The following PTPRC variants were observed in gnomAD, a reference collection of about 807,000 sequenced individuals.
PTPRC encodes protein tyrosine phosphatase receptor type C.
In PTPRC, 44 loss-of-function variants were observed where a neutral mutation model predicts 155.9. The observed-to-expected ratio is 0.28, with a 90% CI of 0.22 to 0.36. The LOEUF is 0.36. Among genes scored for constraint, PTPRC ranks in the 10% least tolerant of loss-of-function variants. PTPRC has a pLI of 1.00. For missense variants in PTPRC, 1,401 were observed against 1,564.6 expected, an observed-to-expected ratio of 0.90 and a Z score of 1.76; for synonymous variants, 525 against 533.1, an observed-to-expected ratio of 0.98 and a Z score of 0.21.
chr1:198,728,616 T>G (rs1219725766), intron 16 of PTPRC, among the ~76,000 whole-genome samples, 168 bp downstream of exon 16: 14 of 152,178 alleles, frequency 9.2e-5, no homozygotes, highest in Admixed American at 9.2e-4. Context: ...TTAGTATGGT[T>G]TTATTGGTTT....
At chr1:198,656,646 G>GTTTTTTTTT (rs1017437706) in intron 2 of PTPRC, among the ~76,000 whole-genome samples, 1 of 86,514 alleles carries the variant, frequency 1.2e-5, no homozygotes, top group African/African-American at 5.1e-5. Flanking sequence ...CTAGTTTTTT[G>GTTTTTTTTT]TTTTTTGTTT....
intron 2 of PTPRC, among the ~76,000 whole-genome samples, chr1:198,640,174 C>T (rs1387942972): frequency 6.6e-6 from 1 of 151,670 alleles, no homozygotes; most frequent in Non-Finnish European, 1.5e-5. Context: ...TCTTGAGCGG[C>T]GTCAATATGA....
At chr1:198,667,263 A>G (rs1664371324) in intron 2 of PTPRC, among the ~76,000 whole-genome samples, 1 of 152,208 alleles carries the variant, frequency 6.6e-6, no homozygotes, top group Non-Finnish European at 1.5e-5. Flanking sequence ...AGAGGTGGGA[A>G]GGAGTCCCTG....
chr1:198,750,682 T>A (rs1230450265), intron 29 of PTPRC, 56 bp downstream of exon 29: 1 of 1,586,410 alleles, frequency 6.3e-7, no homozygotes, highest in African/African-American at 1.3e-5. Context: ...CGTCATTCTC[T>A]AGTCTTGGAT....
Position 198,718,276 on chromosome 1 carries a change from C to A in PTPRC, c.1633C>A (p.Gln545Lys). 1 of 1,613,308 alleles carries A rather than the reference C, an allele frequency of 6.2e-7. No homozygotes were observed. The highest frequency in any genetic ancestry group is 8.5e-7 in the Non-Finnish European group (1 of 1,179,426). ...KNCDFRVKDL[Q>K]YSTDYTFKAY... Reference sequence around the variant, plus strand: ...TTGCGATTTCCGTGTAAAAGATCTTCAATATTCAACAGACTACACTTTTAA... The same window carrying A: ...TTGCGATTTCCGTGTAAAAGATCTTAAATATTCAACAGACTACACTTTTAA... Residue 545 changes from glutamine to lysine, a missense_variant, in exon 14 of 33, where the codon CAA (glutamine) becomes AAA (lysine). Around this residue, in one of 3 missense-constraint regions of PTPRC, gnomAD observed 867 missense variants for 970.4 expected, o/e 0.89. Coordinates refer to ENST00000442510, the MANE Select transcript of PTPRC (RefSeq NM_002838.5).
intron 20 of PTPRC, among the ~76,000 whole-genome samples, chr1:198,733,198 C>T (rs1654476388): frequency 6.6e-6 from 1 of 151,662 alleles, no homozygotes; most frequent in Non-Finnish European, 1.5e-5. Context: ...TATATACAGA[C>T]TGAAAAAATT....
rs543237910 is a variant in PTPRC, at chr1:198,724,475, C to A, written c.1720+1999C>A. ...GTATCACACATAGTTATTTTTTTTTCTGTCTGAGTTCACTGATATATGTTC... is the reference window on the plus strand; with the variant it reads ...GTATCACACATAGTTATTTTTTTTTATGTCTGAGTTCACTGATATATGTTC... On this transcript the variant is annotated intron_variant, in intron 15 of 32. Coordinates refer to ENST00000442510, the MANE Select transcript of PTPRC (RefSeq NM_002838.5). Among the ~76,000 whole-genome samples, 5 of 151,622 alleles carry A rather than the reference C, an allele frequency of 3.3e-5. No individual in the cohort carries two copies. In the South Asian group the frequency reaches 1.0e-3, roughly 32 times the overall value.
intron 2 of PTPRC, among the ~76,000 whole-genome samples, chr1:198,641,998 A>G (rs938839351): frequency 6.6e-6 from 1 of 151,998 alleles, no homozygotes; most frequent in Non-Finnish European, 1.5e-5. Flanking sequence ...TAATTTAGAG[A>G]TTTGGGAATG....
intron 11 of PTPRC, among the ~76,000 whole-genome samples, chr1:198,711,727 A>G (rs963653219): frequency 6.6e-6 from 1 of 152,370 alleles, no homozygotes; most frequent in South Asian, 2.1e-4. Flanking sequence ...TTTCAACAAC[A>G]GAAGTTTTTC....
intron 2 of PTPRC, among the ~76,000 whole-genome samples, chr1:198,680,322 G>T (rs766694950): frequency 6.6e-6 from 1 of 151,984 alleles, no homozygotes; most frequent in Non-Finnish European, 1.5e-5. Context: ...GTGTAGTGGC[G>T]CATGTTTGTA....
chr1:198,726,101 G>A (rs2102467622), intron 15 of PTPRC, among the ~76,000 whole-genome samples: 1 of 152,268 alleles, frequency 6.6e-6, no homozygotes, highest in South Asian at 2.1e-4. Context: ...TAATATTTTT[G>A]TAGAACTTAA....
Position 198,726,250 on chromosome 1 carries a change from T to C in PTPRC, c.1721-2090T>C, listed in dbSNP as rs1019747112. On this transcript the variant is annotated intron_variant, in intron 15 of 32. Transcript: ENST00000442510. ...AAAATCTGGAAACAATCATGCTGAT[T>C]GATATATGTATACTAGTAATCACTG... 1.5e-4 allele frequency among the ~76,000 whole-genome samples: 23 copies of C among 152,198 alleles called. 1 individual carries two copies. The highest frequency in any genetic ancestry group is 1.2e-4 in the Non-Finnish European group (8 of 68,016).
intron 15 of PTPRC, among the ~76,000 whole-genome samples, chr1:198,728,024 G>T (rs1299360750): frequency 6.6e-6 from 1 of 152,046 alleles, no homozygotes; most frequent in African/African-American, 2.4e-5. Context: ...CCTTCAAAAT[G>T]AAGTGTCTGA....
intron 2 of PTPRC, among the ~76,000 whole-genome samples, chr1:198,653,905 C>T (rs951203516): frequency 6.6e-6 from 1 of 151,790 alleles, no homozygotes; most frequent in East Asian, 1.9e-4. Flanking sequence ...AGAGGTAACG[C>T]TTCTTAATGT....
At chr1:198,700,947 G>A (rs1666428942) in intron 5 of PTPRC, among the ~76,000 whole-genome samples, 1 of 152,192 alleles carries the variant, frequency 6.6e-6, no homozygotes, top group South Asian at 2.1e-4. Context: ...GGGTCTGCTA[G>A]AGAGGGGAGA....
chr1:198,715,615 A>AT (rs1313414539), intron 12 of PTPRC, among the ~76,000 whole-genome samples: 1 of 151,690 alleles, frequency 6.6e-6, no homozygotes, highest in African/African-American at 2.4e-5. Context: ...GCTGGAAATT[A>AT]TTTTGTGTAA....
intron 23 of PTPRC, among the ~76,000 whole-genome samples, chr1:198,736,155 C>T (rs528963072): frequency 7.9e-5 from 12 of 151,502 alleles, no homozygotes; most frequent in Admixed American, 6.6e-4. Context: ...GGGCATCCAT[C>T]ATCCCAAGCA....
At chr1:198,663,993 CT>C (rs995656071) in intron 2 of PTPRC, among the ~76,000 whole-genome samples, 1 of 151,570 alleles carries the variant, frequency 6.6e-6, no homozygotes, top group Non-Finnish European at 1.5e-5. Context: ...CCAAACTATA[CT>C]TTTTTTTAAC....
chr1:198,749,711 T>G (rs968914068), intron 28 of PTPRC, among the ~76,000 whole-genome samples, 162 bp downstream of exon 28: 2 of 151,898 alleles, frequency 1.3e-5, no homozygotes, highest in Non-Finnish European at 2.9e-5. Flanking sequence ...CAATTTAACT[T>G]AATGAAAGAT....
Sources: allele counts gnomAD v4.1 joint callset (sites outside exome capture counted in the v4.1 genomes callset), GRCh38; gene constraint gnomAD v4.1.1; regional missense constraint gnomAD v4.1.1; transcripts MANE v1.5; gene names NCBI Gene and HGNC (gene_info 2026-07-23, HGNC 2026-07-21).